Variants in OSBP2 observed in about 807,000 individuals in gnomAD.
OSBP2 encodes the protein oxysterol binding protein 2.
In OSBP2, 66 loss-of-function variants were observed where a neutral mutation model predicts 96.0. The observed-to-expected ratio is 0.69, with a 90% confidence interval of 0.56 to 0.84. OSBP2 has a LOEUF of 0.84. Ranked by LOEUF, OSBP2 falls within the 40% of genes least tolerant of loss-of-function variation. OSBP2 has a pLI of 0.00. For missense variants in OSBP2, 1,038 were observed against 1,222.7 expected (o/e 0.85, Z 2.25); for synonymous variants, 525 against 520.9 (o/e 1.01, Z -0.11).
chr22:30,830,043 G>A (rs1199375881), intron 2 of OSBP2, among the ~76,000 whole-genome samples: 2 of 152,246 alleles, frequency 1.3e-5, no homozygotes, highest in Admixed American at 6.5e-5. Flanking sequence ...GGACTGAGGG[G>A]TTTGCTGGAT....
chr22:30,801,192 G>A (rs1431928238), intron 2 of OSBP2, among the ~76,000 whole-genome samples: 5 of 152,140 alleles, frequency 3.3e-5, no homozygotes, highest in Non-Finnish European at 7.4e-5. Flanking sequence ...CATTGCAACA[G>A]GAAGCCCATG....
Position 30,828,161 on chromosome 22 carries a change from C to T in OSBP2, c.854-42268C>T, listed in dbSNP as rs529270885. Among the ~76,000 whole-genome samples, 5 of 152,300 alleles carry T rather than the reference C, an allele frequency of 3.3e-5. No homozygotes were observed. In the South Asian group the frequency reaches 6.2e-4, roughly 19 times the overall value. ...GGGATTCCTTGTCATTAGAAAGAGGCTAAATGCCAGATGGAGGTCTCGAAT... is the reference window on the plus strand; with the variant it reads ...GGGATTCCTTGTCATTAGAAAGAGGTTAAATGCCAGATGGAGGTCTCGAAT... On this transcript the variant is annotated intron_variant, in intron 2 of 13. Transcript: ENST00000332585.
chr22:30,835,792 T>C (rs999464330), intron 2 of OSBP2, among the ~76,000 whole-genome samples: 6 of 151,564 alleles, frequency 4.0e-5, no homozygotes, highest in Admixed American at 1.3e-4. Context: ...TCACGGCTCA[T>C]TGCAGCCTCG....
In OSBP2 at chr22:30,714,851, A is replaced by G. The variant is rs563228692; in HGVS notation, c.644+19298A>G. On this transcript the variant is annotated intron_variant, in intron 1 of 13. Transcript: ENST00000332585. ...GGCTGGCCTTGAATTCTTGACCTCA[A>G]GTGATCCACTCACCTTGGCCTCCCA... 1.6e-3 allele frequency among the ~76,000 whole-genome samples: 243 copies of G among 152,284 alleles called. 1 individual carries two copies. The highest frequency in any genetic ancestry group is 5.6e-3 in the African/African-American group (232 of 41,564).
At chr22:30,822,465 C>G in intron 2 of OSBP2, 1 of 1,206,686 alleles carries the variant, frequency 8.3e-7, no homozygotes, top group Non-Finnish European at 1.1e-6. Flanking sequence ...GCTCATGTAC[C>G]GGGTGGCGGG....
intron 2 of OSBP2, among the ~76,000 whole-genome samples, chr22:30,763,695 G>A (rs570613751): frequency 3.3e-5 from 5 of 151,066 alleles, no homozygotes; most frequent in Non-Finnish European, 5.9e-5. Context: ...AATACAAAAC[G>A]AATAATATTT....
At chr22:30,721,665 A>G (rs906095675) in intron 1 of OSBP2, among the ~76,000 whole-genome samples, 7 of 152,222 alleles carry the variant, frequency 4.6e-5, no homozygotes, top group Non-Finnish European at 1.0e-4. Context: ...GTCAGTGTCT[A>G]TAATACTGGA....
chr22:30,847,875 CA>C (rs995701918), intron 2 of OSBP2, among the ~76,000 whole-genome samples: 1 of 152,102 alleles, frequency 6.6e-6, no homozygotes, highest in African/African-American at 2.4e-5. Context: ...TTTTCGTCCT[CA>C]ATCTGGCTAG....
intron 1 of OSBP2, among the ~76,000 whole-genome samples, chr22:30,728,902 G>A (rs2089698656): frequency 6.6e-6 from 1 of 152,192 alleles, no homozygotes; most frequent in Non-Finnish European, 1.5e-5. Context: ...CCATTCTAGT[G>A]TGTATGGACC....
At chr22:30,839,044 G>T (rs1412292392) in intron 2 of OSBP2, among the ~76,000 whole-genome samples, 1 of 124,870 alleles carries the variant, frequency 8.0e-6, no homozygotes, top group Non-Finnish European at 1.6e-5. Flanking sequence ...GTCCCCTTCC[G>T]GTGTCCATGT....
intron 2 of OSBP2, among the ~76,000 whole-genome samples, chr22:30,797,935 C>T (rs995464227): frequency 6.6e-6 from 1 of 152,122 alleles, no homozygotes; most frequent in East Asian, 1.9e-4. Flanking sequence ...CTCTTTGAGA[C>T]CCTGGTATAT....
rs567967535 is a variant in OSBP2 at position 30,888,314 on chromosome 22, C to T, written c.1392C>T (p.Thr464=). The change falls in exon 5 of 14, where the codon ACC becomes ACT. Residue 464 remains threonine, a synonymous_variant. Transcript: ENST00000332585. ...DAMEDSTSFI[T]VITEAKEDSR... is the part of the protein sequence containing the mutation. ...TGGAAGACTCCACATCCTTCATCAC[C>T]GTGATCACCGAGGCCAAGGAAGACA... 178 of 1,612,630 alleles carry T rather than the reference C, an allele frequency of 1.1e-4. No individual in the cohort carries two copies. The highest frequency in any genetic ancestry group is 1.3e-4 in the Non-Finnish European group (152 of 1,178,764).
At chr22:30,880,918 G>C (rs1350867176) in intron 3 of OSBP2, among the ~76,000 whole-genome samples, 1 of 152,190 alleles carries the variant, frequency 6.6e-6, no homozygotes, top group Admixed American at 6.5e-5. Context: ...TCCCCTGGGT[G>C]GGCAGCCCTT....
At chr22:30,759,321 G>A (rs1026017183) in intron 2 of OSBP2, among the ~76,000 whole-genome samples, 3 of 152,104 alleles carry the variant, frequency 2.0e-5, no homozygotes, top group Admixed American at 6.6e-5. Flanking sequence ...GCACTCCAGA[G>A]CAAGACTCTG....
At chr22:30,695,613 G>A in intron 1 of OSBP2, 60 bp downstream of exon 1, 1 of 1,549,042 alleles carries the variant, frequency 6.5e-7, no homozygotes, top group Non-Finnish European at 8.7e-7. Flanking sequence ...CAGGGATGGT[G>A]ATGGAGGGCC....
At chr22:30,761,321 G>T (rs1451633209) in intron 2 of OSBP2, among the ~76,000 whole-genome samples, 1 of 152,050 alleles carries the variant, frequency 6.6e-6, no homozygotes, top group Non-Finnish European at 1.5e-5. Flanking sequence ...TGAACAATTG[G>T]TAACAAAAAA....
intron 2 of OSBP2, among the ~76,000 whole-genome samples, chr22:30,868,821 A>T (rs1026124495): frequency 6.6e-6 from 1 of 152,222 alleles, no homozygotes; most frequent in African/African-American, 2.4e-5. Flanking sequence ...GTGCACTCGG[A>T]ACAGTGACTC....
intron 2 of OSBP2, among the ~76,000 whole-genome samples, chr22:30,794,095 C>T (rs1194178067): frequency 6.6e-6 from 1 of 151,866 alleles, no homozygotes; most frequent in Admixed American, 6.6e-5. Flanking sequence ...GGCATGGTGG[C>T]TCACGCCTAT....
At chr22:30,817,271 T>C (rs2146969653) in intron 2 of OSBP2, among the ~76,000 whole-genome samples, 1 of 152,360 alleles carries the variant, frequency 6.6e-6, no homozygotes, top group African/African-American at 2.4e-5. Flanking sequence ...GGACCATGTA[T>C]GCCTCACAAA....
Sources: gnomAD v4.1 joint callset for allele counts (sites outside exome capture counted in the v4.1 genomes callset) on GRCh38, gnomAD v4.1.1 for gene constraint, MANE v1.5 for transcripts, NCBI Gene and HGNC (gene_info 2026-07-23, HGNC 2026-07-21) for gene names.